Variants in SMIM14 observed in about 807,000 individuals in gnomAD.
SMIM14 encodes the protein small integral membrane protein 14.
In SMIM14, 5 loss-of-function variants were observed where a neutral mutation model predicts 12.6. That is an observed-to-expected ratio of 0.40 (90% CI 0.21 to 0.83). SMIM14 has a LOEUF of 0.83. SMIM14 is among the 40% of genes least tolerant of loss of function. The pLI is 0.37. For synonymous variants in SMIM14, 30 were observed against 40.1 expected, an observed-to-expected ratio of 0.75 and a Z score of 0.95; for missense variants, 86 against 119.1, an observed-to-expected ratio of 0.72 and a Z score of 1.29.
Position 39,565,056 on chromosome 4 carries a change from AAAAC to A in SMIM14, c.124+7355_124+7358del, listed in dbSNP as rs536692280. Among the ~76,000 whole-genome samples the A allele has an allele frequency of 2.6e-5, 4 of 151,988 alleles. No homozygotes were observed. In the South Asian group the frequency reaches 6.2e-4, roughly 24 times the overall value. The stretch of plus-strand genomic sequence containing the variant: ...ATGAGGTCCTATCTCTACAAAATAA[AAAAC>A]AAACAAAATCAGCCAAGTGTGGTGG... On this transcript the variant is annotated intron_variant, in intron 3 of 4. Transcript: ENST00000295958.
intron 2 of SMIM14, among the ~76,000 whole-genome samples, chr4:39,604,022 A>AG (rs57657617): frequency 0.27 from 41,039 of 151,054 alleles, 6,199 homozygotes; most frequent in Non-Finnish European, 0.35. Context: ...AAAAAAAAAA[A>AG]AAAAGAAATG....
rs980521653 is a variant in SMIM14 at position 39,632,352 on chromosome 4, C to T, written c.-36+6387G>A. On this transcript the variant is annotated intron_variant, in intron 1 of 4. Transcript: ENST00000295958. ...AAAATTAGCTGGGCATGGTGGCACGCGCCTGTAATCTCAGCTACTCAGGAG... is the reference window on the plus strand; with the variant it reads ...AAAATTAGCTGGGCATGGTGGCACGTGCCTGTAATCTCAGCTACTCAGGAG... Among the ~76,000 whole-genome samples, 12 of 151,870 alleles carry T rather than the reference C, an allele frequency of 7.9e-5. No homozygotes were observed. In the South Asian group the frequency reaches 8.3e-4, roughly 11 times the overall value.
chr4:39,555,512 C>T (rs926410271), intron 4 of SMIM14, among the ~76,000 whole-genome samples: 4 of 152,160 alleles, frequency 2.6e-5, no homozygotes, highest in Admixed American at 1.3e-4. Context: ...GGATTGCAGG[C>T]GTGAGCCACA....
chr4:39,636,010 T>C (rs756290509), intron 1 of SMIM14, among the ~76,000 whole-genome samples: 1 of 151,738 alleles, frequency 6.6e-6, no homozygotes, highest in Non-Finnish European at 1.5e-5. Flanking sequence ...CCGTCTCTAC[T>C]AAAAATACAA....
At chr4:39,583,027 G>A (rs772500438) in intron 2 of SMIM14, among the ~76,000 whole-genome samples, 25 of 151,944 alleles carry the variant, frequency 1.6e-4, no homozygotes, top group Non-Finnish European at 3.4e-4. Context: ...CCTGATCTCA[G>A]ATGTTCCACC....
At chr4:39,571,469 A>G (rs77141470) in intron 3 of SMIM14, among the ~76,000 whole-genome samples, 341 of 152,082 alleles carry the variant, frequency 2.2e-3, no homozygotes, top group African/African-American at 7.8e-3. Flanking sequence ...AGTCCCACCT[A>G]CTAGGGAGGC....
intron 2 of SMIM14, among the ~76,000 whole-genome samples, chr4:39,595,916 G>A (rs1020850657): frequency 8.6e-5 from 13 of 151,966 alleles, no homozygotes; most frequent in Admixed American, 2.0e-4. Context: ...TGCCAGGCCT[G>A]TAATTACTAA....
At chr4:39,609,857 G>A (rs184458536) in intron 1 of SMIM14, among the ~76,000 whole-genome samples, 55 of 152,328 alleles carry the variant, frequency 3.6e-4, no homozygotes, top group East Asian at 1.2e-3. Context: ...CGACAACGGC[G>A]GGGCTCCTTG....
intron 2 of SMIM14, among the ~76,000 whole-genome samples, chr4:39,600,489 A>G (rs975659149): frequency 1.3e-5 from 2 of 152,092 alleles, no homozygotes; most frequent in Non-Finnish European, 2.9e-5. Context: ...CAGGAGTTTG[A>G]GACCAGCCTG....
At chr4:39,619,850 T>TTATATGTATATATAAATGTA (rs1715400985) in intron 1 of SMIM14, among the ~76,000 whole-genome samples, 1 of 70,136 alleles carries the variant, frequency 1.4e-5, no homozygotes, top group East Asian at 3.4e-4. Context: ...ATATATATAT[T>TTATATGTATATATAAATGTA]TATATATATT....
chr4:39,553,018 G>T (rs1003767133), intron 4 of SMIM14, among the ~76,000 whole-genome samples: 1 of 151,666 alleles, frequency 6.6e-6, no homozygotes, highest in Admixed American at 6.6e-5. Context: ...AATGAATTAA[G>T]GTCCAGGAGA....
chr4:39,583,983 T>C (rs1713649002), intron 2 of SMIM14: 1 of 152,130 alleles, frequency 6.6e-6, no homozygotes, highest in Non-Finnish European at 1.5e-5. Context: ...GTATGCACAC[T>C]GTAAGTTTTG....
chr4:39,620,967 G>A (rs1431508082), intron 1 of SMIM14: 1 of 152,068 alleles, frequency 6.6e-6, no homozygotes, highest in African/African-American at 2.4e-5. Flanking sequence ...CAAATAAATG[G>A]GGAAGGGATT....
chr4:39,562,856 C>A (rs1430371341), intron 3 of SMIM14, among the ~76,000 whole-genome samples: 1 of 141,504 alleles, frequency 7.1e-6, no homozygotes, highest in Non-Finnish European at 1.5e-5. Context: ...GTTGCCAAGG[C>A]TTGTCCCTAA....
At chr4:39,559,384 G>T (rs903812636) in intron 3 of SMIM14, among the ~76,000 whole-genome samples, 1 of 123,680 alleles carries the variant, frequency 8.1e-6, no homozygotes. Flanking sequence ...GCAAGACCCT[G>T]TCAAAAAAAA....
rs114515390 is a variant in SMIM14, at chr4:39,604,907, G to A, written c.75+164C>T. ...ATTACAGGTGTGAGCCACTGTGCCC[G>A]GTCACATTTTAATCATTACAACTTA... On this transcript the variant is annotated intron_variant, in intron 2 of 4. Coordinates refer to ENST00000295958, the MANE Select transcript of SMIM14 (RefSeq NM_174921.3). 7.5e-3 allele frequency among the ~76,000 whole-genome samples: 1,142 copies of A among 152,074 alleles called. 15 individuals carry two copies. The highest frequency in any genetic ancestry group is 0.026 in the African/African-American group (1,083 of 41,488).
intron 1 of SMIM14, among the ~76,000 whole-genome samples, chr4:39,609,655 C>T (rs1226964825): frequency 6.6e-6 from 1 of 152,174 alleles, no homozygotes; most frequent in Non-Finnish European, 1.5e-5. Flanking sequence ...AGTCATGCCA[C>T]AAAGGGTCTT....
At chr4:39,616,830 C>G (rs1216393610) in intron 1 of SMIM14, among the ~76,000 whole-genome samples, 3 of 151,956 alleles carry the variant, frequency 2.0e-5, no homozygotes, top group Non-Finnish European at 4.4e-5. Context: ...TAGTTCCCAG[C>G]TTTTTTTCCA....
intron 1 of SMIM14, among the ~76,000 whole-genome samples, chr4:39,628,719 T>TC (rs1454191737): frequency 2.7e-5 from 4 of 146,476 alleles, no homozygotes; most frequent in Non-Finnish European, 6.1e-5. Flanking sequence ...AAAATGTTTT[T>TC]CTTTTTTTTT....
Sources: gnomAD v4.1 joint callset for allele counts (sites outside exome capture counted in the v4.1 genomes callset) on GRCh38, gnomAD v4.1.1 for gene constraint, MANE v1.5 for transcripts, NCBI Gene and HGNC (gene_info 2026-07-23, HGNC 2026-07-21) for gene names.